The following CSMD1 variants were observed in gnomAD, a reference collection of about 807,000 sequenced individuals.
CSMD1 encodes the protein CUB and Sushi multiple domains 1.
In CSMD1, 213 loss-of-function variants were observed where a neutral mutation model predicts 417.5. The observed-to-expected ratio is 0.51, with a 90% CI of 0.46 to 0.57. CSMD1 has a LOEUF of 0.57. Among genes scored for constraint, CSMD1 ranks in the 20% least tolerant of loss-of-function variants. The pLI is 0.00. For synonymous variants in CSMD1, 2,862 were observed against 1,736.8 expected, an observed-to-expected ratio of 1.65 and a Z score of -16.11; for missense variants, 6,923 against 4,529.7, an observed-to-expected ratio of 1.53 and a Z score of -15.17.
intron 5 of CSMD1, among the ~76,000 whole-genome samples, chr8:3,907,039 G>C (rs897797904): frequency 1.3e-5 from 2 of 152,100 alleles, no homozygotes; most frequent in African/African-American, 4.8e-5. Flanking sequence ...AAATGGCTGG[G>C]AGAGCTTACT....
Position 3,219,395 on chromosome 8 carries a change from T to G in CSMD1, c.4532A>C (p.Glu1511Ala). ...SYDFLHIYEG[E>A]DSNSPLIGSY... The stretch of plus-strand genomic sequence containing the variant: ...CCCAATGAGGGGGCTGTTGGAATCT[T>G]CCCCTTCATAGATGTGTAGGAAGTC... The change falls in exon 29 of 70, where the codon GAA becomes GCA. Residue 1511 changes from glutamate to alanine, a missense_variant. Glu to Ala is a moderately radical substitution (Grantham distance 107, BLOSUM62 -1). Transcript: ENST00000635120. 1 of 1,562,934 alleles carries G rather than the reference T, an allele frequency of 6.4e-7. No individual in the cohort carries two copies.
At chr8:4,083,860 G>T (rs4875268) in intron 3 of CSMD1, among the ~76,000 whole-genome samples, 52,833 of 151,968 alleles carry the variant, frequency 0.35, 10,012 homozygotes, top group Non-Finnish European at 0.43. Context: ...TTAAACTAAA[G>T]AGCTTCTGCA....
chr8:3,176,303 C>T (rs1200646031), intron 37 of CSMD1, among the ~76,000 whole-genome samples: 1 of 152,006 alleles, frequency 6.6e-6, no homozygotes, highest in Non-Finnish European at 1.5e-5. Context: ...TGAGAATATA[C>T]ATTAAATTTA....
intron 2 of CSMD1, among the ~76,000 whole-genome samples, chr8:4,428,210 C>A (rs1018610249): frequency 7.9e-5 from 12 of 152,160 alleles, no homozygotes; most frequent in African/African-American, 2.9e-4. Context: ...TGTACTGTGT[C>A]CACTGAACCA....
Position 4,090,108 on chromosome 8 carries a change from T to A in CSMD1, c.416-58009A>T, listed in dbSNP as rs551285867. On this transcript the variant is annotated intron_variant, in intron 3 of 69. Coordinates refer to ENST00000635120, the MANE Select transcript of CSMD1 (RefSeq NM_033225.6). ...TTACACTTAAATACACCTTTTGCTA[T>A]GTTTAACTCTGGAAGCTCATCATTA... 2.6e-5 allele frequency among the ~76,000 whole-genome samples: 4 copies of A among 152,364 alleles called. No individual in the cohort carries two copies. The East Asian group carries it at 7.7e-4, about 29-fold the overall frequency.
chr8:4,150,411 A>G (rs1296745221), intron 3 of CSMD1, among the ~76,000 whole-genome samples: 6 of 152,302 alleles, frequency 3.9e-5, no homozygotes, highest in African/African-American at 1.4e-4. Flanking sequence ...GGACTCTCTT[A>G]TCTTTGGATG....
At chr8:3,655,323 T>C (rs1334396221) in intron 7 of CSMD1, among the ~76,000 whole-genome samples, 1 of 152,208 alleles carries the variant, frequency 6.6e-6, no homozygotes, top group African/African-American at 2.4e-5. Context: ...TAAAAATAAT[T>C]CCCACATTGT....
intron 1 of CSMD1, among the ~76,000 whole-genome samples, chr8:4,715,966 G>C (rs934661038): frequency 6.6e-6 from 1 of 152,172 alleles, no homozygotes. Context: ...ATGTGTATCA[G>C]GTCCTGTGAT....
chr8:3,706,838 G>C (rs1801196482), intron 7 of CSMD1, among the ~76,000 whole-genome samples: 1 of 152,100 alleles, frequency 6.6e-6, no homozygotes, highest in Admixed American at 6.5e-5. Context: ...ATATCAAAAT[G>C]TTAAAATTTT....
chr8:3,975,384 G>C (rs1813363109), intron 5 of CSMD1, among the ~76,000 whole-genome samples: 1 of 152,154 alleles, frequency 6.6e-6, no homozygotes, highest in African/African-American at 2.4e-5. Context: ...TATGATATGA[G>C]CTACAGTGAG....
In CSMD1 at chr8:4,278,671, C is replaced by A. The variant is rs537358215; in HGVS notation, c.415+141282G>T. On this transcript the variant is annotated intron_variant, in intron 3 of 69. Transcript: ENST00000635120. ...AAAGTGTAGCTTTTTATTAACATACCGAACAGTCTATAGCCACTTAAATGG... is the reference window on the plus strand; with the variant it reads ...AAAGTGTAGCTTTTTATTAACATACAGAACAGTCTATAGCCACTTAAATGG... Among the ~76,000 whole-genome samples the A allele has an allele frequency of 5.3e-5, 8 of 152,098 alleles. No homozygotes were observed. In the South Asian group the frequency reaches 8.3e-4, roughly 16 times the overall value.
At chr8:4,721,984 AG>A (rs991927268) in intron 1 of CSMD1, among the ~76,000 whole-genome samples, 4 of 152,202 alleles carry the variant, frequency 2.6e-5, no homozygotes, top group African/African-American at 9.6e-5. Context: ...ACAAAGAAAC[AG>A]GAGAAGAACG....
intron 3 of CSMD1, among the ~76,000 whole-genome samples, chr8:4,183,665 AC>A (rs1299390908): frequency 5.3e-5 from 8 of 152,246 alleles, no homozygotes; most frequent in African/African-American, 1.4e-4. Context: ...CAAATACTTA[AC>A]AAAAATAATT....
At chr8:4,888,170 T>C (rs1345855319) in intron 1 of CSMD1, among the ~76,000 whole-genome samples, 3 of 151,734 alleles carry the variant, frequency 2.0e-5, no homozygotes, top group Admixed American at 6.6e-5. Context: ...AATTGATACA[T>C]TGGTACATCC....
chr8:4,863,069 G>C (rs1273651976), intron 1 of CSMD1, among the ~76,000 whole-genome samples: 1 of 152,022 alleles, frequency 6.6e-6, no homozygotes, highest in African/African-American at 2.4e-5. Context: ...GGTGATTCTG[G>C]TGAACACTGT....
intron 3 of CSMD1, among the ~76,000 whole-genome samples, chr8:4,204,875 G>A (rs897299542): frequency 3.3e-5 from 5 of 151,992 alleles, no homozygotes; most frequent in African/African-American, 1.2e-4. Flanking sequence ...TCCCCAGGCT[G>A]GTCCTGAACT....
At chr8:4,562,033 C>T (rs1043113389) in intron 2 of CSMD1, among the ~76,000 whole-genome samples, 3 of 151,954 alleles carry the variant, frequency 2.0e-5, no homozygotes, top group African/African-American at 4.8e-5. Flanking sequence ...AAAGGAAGGC[C>T]GTACATATTC....
intron 5 of CSMD1, among the ~76,000 whole-genome samples, chr8:3,861,126 T>G (rs527259489): frequency 2.6e-5 from 4 of 152,274 alleles, no homozygotes; most frequent in African/African-American, 7.2e-5. Context: ...CTTTCTATCA[T>G]ATGCCAAAAA....
chr8:4,625,821 T>G (rs538364848), intron 2 of CSMD1, among the ~76,000 whole-genome samples: 2 of 152,134 alleles, frequency 1.3e-5, no homozygotes, highest in Non-Finnish European at 2.9e-5. Context: ...CCTCCCAAGT[T>G]CAAGCTATTC....
Sources: gnomAD v4.1 joint callset for allele counts (sites outside exome capture counted in the v4.1 genomes callset) on GRCh38, gnomAD v4.1.1 for gene constraint, MANE v1.5 for transcripts, NCBI Gene and HGNC (gene_info 2026-07-23, HGNC 2026-07-21) for gene names.